ANKIB1: variants seen among roughly 807,000 people sequenced by gnomAD.
The protein encoded by ANKIB1 is ankyrin repeat and IBR domain-containing protein 1.
Under a neutral mutation model 122.1 loss-of-function variants are expected in ANKIB1, and 43 were observed. The ratio of observed to expected loss-of-function variants is 0.35; its 90% CI spans 0.28 to 0.45. The LOEUF (loss-of-function observed/expected upper bound fraction) is 0.45, where lower values mean the gene tolerates loss of function less well. ANKIB1 is among the 20% of genes least tolerant of loss of function. The pLI is 1.00. For missense variants in ANKIB1, 992 were observed against 1,329.5 expected (o/e 0.75, Z 3.95); for synonymous variants, 390 against 442.0 (o/e 0.88, Z 1.48).
chr7:92,376,452 ATTTTT>A (rs548431066), intron 11 of ANKIB1, among the ~76,000 whole-genome samples: 1 of 135,856 alleles, frequency 7.4e-6, no homozygotes, highest in African/African-American at 2.7e-5. Flanking sequence ...TTTATTTTTT[ATTTTT>A]TTTTTTTTTG....
chr7:92,304,716 A>G (rs1383981697), intron 2 of ANKIB1, among the ~76,000 whole-genome samples: 4 of 152,188 alleles, frequency 2.6e-5, no homozygotes, highest in Non-Finnish European at 5.9e-5. Context: ...ATAATCTTGA[A>G]TACATTTTAG....
In ANKIB1 at chr7:92,398,516, G is replaced by A; in HGVS notation, c.2837G>A (p.Arg946Lys). 6.2e-7 allele frequency: 1 copy of A among 1,613,982 alleles called. No homozygotes were observed. The highest frequency in any genetic ancestry group is 8.5e-7 in the Non-Finnish European group (1 of 1,179,878). ...TLSSHPLSEA[R>K]SDFCPSSSDP... ...AGCTCACACCCTCTCAGTGAGGCAA[G>A]AAGTGATTTCTGTCCCTCATCTAGT... The change falls in exon 20 of 20, where the codon AGA becomes AAA. Residue 946 changes from arginine to lysine, a missense_variant. Transcript: ENST00000265742.
At chr7:92,292,607 A>G (rs558302572) in intron 1 of ANKIB1, among the ~76,000 whole-genome samples, 39 of 152,274 alleles carry the variant, frequency 2.6e-4, no homozygotes, top group African/African-American at 8.9e-4. Flanking sequence ...AAGTTTCCCA[A>G]TAGTAGCTGT....
intron 14 of ANKIB1, 117 bp downstream of exon 14, chr7:92,388,158 C>T: frequency 4.9e-6 from 5 of 1,013,912 alleles, no homozygotes; most frequent in South Asian, 3.0e-5. Context: ...TGTTCTGGTA[C>T]TGTTTTGAGT....
Position 92,294,777 on chromosome 7 carries a change from T to G in ANKIB1, c.-90-112T>G, listed in dbSNP as rs183367940. ...ATAAATTTGGTAAAATGTAATATAG[T>G]TGGTTCCCTTATCGATGATTCCCAG... On this transcript the variant is annotated intron_variant, in intron 1 of 19. Coordinates refer to ENST00000265742, the MANE Select transcript of ANKIB1 (RefSeq NM_019004.2). 381 of 477,428 alleles carry G rather than the reference T, an allele frequency of 8.0e-4. 1 individual carries two copies. Among genetic ancestry groups the G allele is most frequent in the African/African-American group, 6.7e-3 (338 of 50,600 alleles). 29.6% of individuals were successfully genotyped at this position (477,428 alleles called of 1,614,324 possible).
chr7:92,360,570 T>A (rs1803919677), intron 9 of ANKIB1, among the ~76,000 whole-genome samples: 1 of 152,194 alleles, frequency 6.6e-6, no homozygotes, highest in Non-Finnish European at 1.5e-5. Flanking sequence ...CAAGTTTGAA[T>A]CCTTGCTTTC....
intron 11 of ANKIB1, among the ~76,000 whole-genome samples, chr7:92,378,776 G>A (rs1464292170): frequency 2.0e-5 from 3 of 152,178 alleles, no homozygotes; most frequent in East Asian, 1.9e-4. Flanking sequence ...TGACGTGATT[G>A]TATACCTAGA....
In ANKIB1 at chr7:92,246,342, A is replaced by G. The variant is rs777348658; in HGVS notation, c.-268A>G. 6.8e-6 allele frequency: 3 copies of G among 443,896 alleles called. No homozygotes were observed. The highest frequency in any genetic ancestry group is 9.0e-6 in the Non-Finnish European group (2 of 222,858). 27.5% of individuals were successfully genotyped at this position (443,896 alleles called of 1,614,324 possible). A position where few individuals can be genotyped will look rare whatever the true frequency, so the allele number is the denominator to read the frequency against. On this transcript the variant is annotated 5_prime_UTR_variant, in exon 1 of 20. Coordinates refer to ENST00000265742, the MANE Select transcript of ANKIB1 (RefSeq NM_019004.2). The stretch of plus-strand genomic sequence containing the variant: ...GGGCCGCCAGTGCGCACCCTCGGCC[A>G]CATCAGCCTCCGCCTGGCGGGTGCA...
chr7:92,298,608 T>C lies in ANKIB1; in HGVS notation c.188+3442T>C, dbSNP rs568523804. Among the ~76,000 whole-genome samples, 14 of 152,182 alleles carry C rather than the reference T, an allele frequency of 9.2e-5. No individual in the cohort carries two copies. In the East Asian group the frequency reaches 2.7e-3, roughly 29 times the overall value. On this transcript the variant is annotated intron_variant, in intron 2 of 19. Transcript: ENST00000265742. ...CATGAAGTCAAAACTATTTTTATAA[T>C]TATACCAAGATGTTATTTGCCTTTT... is the stretch of plus-strand genomic sequence containing the variant.
chr7:92,352,791 C>G (rs1035913604), intron 9 of ANKIB1, 149 bp downstream of exon 9: 2 of 868,714 alleles, frequency 2.3e-6, no homozygotes, highest in East Asian at 2.6e-5. Flanking sequence ...AGTAATAGTT[C>G]ATATTTGTTG....
At chr7:92,358,938 T>C (rs1803883944) in intron 9 of ANKIB1, among the ~76,000 whole-genome samples, 2 of 152,214 alleles carry the variant, frequency 1.3e-5, no homozygotes, top group Admixed American at 6.5e-5. Context: ...ACACTGTTCC[T>C]AGATCTATGG....
intron 1 of ANKIB1, among the ~76,000 whole-genome samples, chr7:92,265,302 A>C (rs1801649449): frequency 6.6e-6 from 1 of 152,220 alleles, no homozygotes; most frequent in East Asian, 1.9e-4. Flanking sequence ...CAAAGATGGA[A>C]GGATGAGAAG....
At chr7:92,314,349 C>G (rs1233202025) in intron 3 of ANKIB1, among the ~76,000 whole-genome samples, 2 of 151,432 alleles carry the variant, frequency 1.3e-5, no homozygotes, top group African/African-American at 4.8e-5. Context: ...ATTATGAAAG[C>G]AAATATGATG....
intron 1 of ANKIB1, among the ~76,000 whole-genome samples, chr7:92,252,371 T>C (rs370199217): frequency 6.6e-6 from 1 of 151,628 alleles, no homozygotes; most frequent in African/African-American, 2.4e-5. Flanking sequence ...GTTGGTATTA[T>C]GTCATAAGGT....
intron 1 of ANKIB1, among the ~76,000 whole-genome samples, chr7:92,290,370 A>AGTGTGTGTGTGTGTGTGTGT (rs34404682): frequency 1.2e-4 from 17 of 141,330 alleles, no homozygotes; most frequent in African/African-American, 3.9e-4. Flanking sequence ...TATGTATGAA[A>AGTGTGTGTGTGTGTGTGTGT]GTGTGTGTGT....
Position 92,307,789 on chromosome 7 carries a change from C to G in ANKIB1, c.486+133C>G, listed in dbSNP as rs966275797. The stretch of plus-strand genomic sequence containing the variant: ...TTTTCTCTTTTGTCTTCTAAAAGAC[C>G]CTTTTAAATAAAGGGCCTCTTTTTT... On this transcript the variant is annotated intron_variant, in intron 3 of 19. Transcript: ENST00000265742. 76 of 568,666 alleles carry G rather than the reference C, an allele frequency of 1.3e-4. 1 individual carries two copies. The South Asian group carries it at 1.7e-3, about 13-fold the overall frequency. 35.2% of individuals were successfully genotyped at this position (568,666 alleles called of 1,614,324 possible). A position where few individuals can be genotyped will look rare whatever the true frequency, so the allele number is the denominator to read the frequency against.
chr7:92,251,784 A>C (rs992711511), intron 1 of ANKIB1, among the ~76,000 whole-genome samples: 2 of 152,184 alleles, frequency 1.3e-5, no homozygotes, highest in Non-Finnish European at 2.9e-5. Context: ...CTACTGTCCA[A>C]AGAAGAAAAT....
intron 1 of ANKIB1, among the ~76,000 whole-genome samples, chr7:92,247,382 A>G (rs571127203): frequency 3.9e-4 from 60 of 152,312 alleles, no homozygotes; most frequent in Non-Finnish European, 5.7e-4. Context: ...CTTTGTTACA[A>G]GCTTTTGCTT....
chr7:92,329,112 T>G (rs965400812), intron 5 of ANKIB1, among the ~76,000 whole-genome samples: 2 of 151,326 alleles, frequency 1.3e-5, no homozygotes, highest in Admixed American at 6.6e-5. Context: ...GGATTACAGG[T>G]GCACACCACC....
Sources: gnomAD v4.1 joint callset for allele counts (sites outside exome capture counted in the v4.1 genomes callset) on GRCh38, gnomAD v4.1.1 for gene constraint, MANE v1.5 for transcripts, NCBI Gene and HGNC (gene_info 2026-07-23, HGNC 2026-07-21) for gene names.